The following UGT1A10 variants were observed in gnomAD, a reference collection of about 807,000 sequenced individuals.
UGT1A10 encodes UDP-glucuronosyltransferase 1A10.
Under a neutral mutation model 45.8 loss-of-function variants are expected in UGT1A10, and 49 were observed. The ratio of observed to expected loss-of-function variants is 1.07; its 90% CI spans 0.85 to 1.36. The LOEUF (loss-of-function observed/expected upper bound fraction) is 1.36, where lower values mean the gene tolerates loss of function less well. Ranked by LOEUF, UGT1A10 falls within the 40% of genes most tolerant of loss-of-function variation. UGT1A10 has a pLI of 0.00. For synonymous variants in UGT1A10, 284 were observed against 249.7 expected (o/e 1.14, Z -1.29); for missense variants, 745 against 668.6 (o/e 1.11, Z -1.26).
At position 233,765,423 on chromosome 2, in the gene UGT1A10, G is replaced by A. The variant is rs181881481; in HGVS notation, c.856-1611G>A. Among the ~76,000 whole-genome samples, 139 of 152,286 alleles carry A rather than the reference G, an allele frequency of 9.1e-4. 2 individuals carry two copies. Among genetic ancestry groups the A allele is most frequent in the Non-Finnish European group, 1.8e-3 (124 of 68,036 alleles). On this transcript the variant is annotated intron_variant, in intron 1 of 4. Coordinates refer to ENST00000344644, the MANE Select transcript of UGT1A10 (RefSeq NM_019075.4). ...CATATACACCATGGAATACTATGCA[G>A]CCATAACAAGGAATGAGATCATATT...
At chr2:233,644,783 T>C (rs2073555747) in intron 1 of UGT1A10, among the ~76,000 whole-genome samples, 1 of 152,114 alleles carries the variant, frequency 6.6e-6, no homozygotes, top group Non-Finnish European at 1.5e-5. Flanking sequence ...TTTTTTTTTC[T>C]ATTTCTTCAG....
In UGT1A10 at chr2:233,646,191, A is replaced by G. The variant is rs569666722; in HGVS notation, c.855+8814A>G. 1.8e-3 allele frequency among the ~76,000 whole-genome samples: 276 copies of G among 152,308 alleles called. No individual in the cohort carries two copies. In the South Asian group the frequency reaches 0.019, roughly 10 times the overall value. Reference sequence around the variant, plus strand: ...ACAGCTGGAGCAGTTGGGATGCAAGACACCAAGTCCCTAGGCTGCACACAG... The same window carrying G: ...ACAGCTGGAGCAGTTGGGATGCAAGGCACCAAGTCCCTAGGCTGCACACAG... On this transcript the variant is annotated intron_variant, in intron 1 of 4. Coordinates refer to ENST00000344644, the MANE Select transcript of UGT1A10 (RefSeq NM_019075.4).
intron 1 of UGT1A10, among the ~76,000 whole-genome samples, chr2:233,737,492 C>T (rs1256761021): frequency 6.6e-6 from 1 of 152,202 alleles, no homozygotes; most frequent in Non-Finnish European, 1.5e-5. Flanking sequence ...AAAGGGAAAT[C>T]CCTCACCCTC....
chr2:233,672,278 A>T (rs1189815184), intron 1 of UGT1A10: 2 of 1,613,626 alleles, frequency 1.2e-6, no homozygotes, highest in Admixed American at 3.3e-5. Context: ...TCATACAATG[A>T]CATTTTTGAC....
chr2:233,654,648 A>G (rs2073815466), intron 1 of UGT1A10, among the ~76,000 whole-genome samples: 1 of 152,266 alleles, frequency 6.6e-6, no homozygotes, highest in African/African-American at 2.4e-5. Flanking sequence ...GCTTGGCGAC[A>G]TAGCAACACC....
intron 1 of UGT1A10, among the ~76,000 whole-genome samples, chr2:233,703,171 CAG>C (rs2075726050): frequency 1.3e-5 from 2 of 152,058 alleles, no homozygotes; most frequent in African/African-American, 2.4e-5. Flanking sequence ...GATTCAATTT[CAG>C]TAGTTTGTTT....
intron 1 of UGT1A10, chr2:233,690,370 A>G (rs2125544798): frequency 1.1e-6 from 1 of 873,070 alleles, no homozygotes; most frequent in East Asian, 6.2e-5. Flanking sequence ...AAACCTCTCC[A>G]TAGGGTCCAC....
intron 1 of UGT1A10, chr2:233,713,817 A>G (rs776318563): frequency 1.2e-6 from 2 of 1,614,092 alleles, no homozygotes; most frequent in South Asian, 1.1e-5. Flanking sequence ...CATGGTCTTC[A>G]TTGGGGGCAT....
At chr2:233,677,255 T>A (rs2074385257) in intron 1 of UGT1A10, among the ~76,000 whole-genome samples, 1 of 152,208 alleles carries the variant, frequency 6.6e-6, no homozygotes, top group African/African-American at 2.4e-5. Flanking sequence ...GTCAGATATA[T>A]CCCTAAGTAT....
At chr2:233,693,769 A>C (rs1451230147) in intron 1 of UGT1A10, 3 of 1,614,160 alleles carry the variant, frequency 1.9e-6, no homozygotes, top group Non-Finnish European at 1.7e-6. Context: ...TTTGGCTGTT[A>C]AGATATGACT....
intron 1 of UGT1A10, among the ~76,000 whole-genome samples, chr2:233,647,414 C>G (rs918153982): frequency 6.6e-6 from 1 of 152,154 alleles, no homozygotes; most frequent in African/African-American, 2.4e-5. Context: ...TGAATTAGGG[C>G]ATTTCACATC....
In UGT1A10 at chr2:233,743,994, T is replaced by C. The variant is rs60469444; in HGVS notation, c.856-23040T>C. 7.2e-6 allele frequency: 9 copies of C among 1,253,056 alleles called. No individual in the cohort carries two copies. The East Asian group carries it at 2.0e-4, about 28-fold the overall frequency. 77.6% of individuals were successfully genotyped at this position (1,253,056 alleles called of 1,614,324 possible). On this transcript the variant is annotated intron_variant, in intron 1 of 4. Coordinates refer to ENST00000344644, the MANE Select transcript of UGT1A10 (RefSeq NM_019075.4). The stretch of plus-strand genomic sequence containing the variant: ...GCCAGCACCCAGGCGCAGGCCCGAG[T>C]GCTCGGAGACCTGGGCCGCCTGGAG...
In UGT1A10 at chr2:233,757,560, A is replaced by ATATG. The variant is rs904896556; in HGVS notation, c.856-9473_856-9472insATGT. On this transcript the variant is annotated intron_variant, in intron 1 of 4. Transcript: ENST00000344644. The stretch of plus-strand genomic sequence containing the variant: ...AATATATATATATATATATATATAT[A>ATATG]TGTATATATGATATAGCTATAGTCT... 2.4e-4 allele frequency among the ~76,000 whole-genome samples: 29 copies of ATATG among 123,152 alleles called. 1 individual carries two copies. The highest frequency in any genetic ancestry group is 9.5e-4 in the African/African-American group (28 of 29,358). 80.8% of individuals were successfully genotyped at this position (123,152 alleles called of 152,430 possible). A position where few individuals can be genotyped will look rare whatever the true frequency, so the allele number is the denominator to read the frequency against.
rs200734586 is a variant in UGT1A10 at position 233,760,641 on chromosome 2, G to T, written c.856-6393G>T. ...TCAAAACATACAAGAAAATAAAAAA[G>T]GACTCTGCTATGCTTTTGTCTGGCT... On this transcript the variant is annotated intron_variant, in intron 1 of 4. Transcript: ENST00000344644. The T allele has an allele frequency of 1.5e-4, 243 of 1,614,044 alleles. No individual in the cohort carries two copies. The highest frequency in any genetic ancestry group is 2.0e-4 in the Non-Finnish European group (236 of 1,180,030).
At chr2:233,729,011 T>C (rs1409694285) in intron 1 of UGT1A10, 2 of 1,584,574 alleles carry the variant, frequency 1.3e-6, no homozygotes, top group African/African-American at 1.3e-5. Context: ...CACTCTGTCT[T>C]CCAATTACAC....
rs916985968 is a variant in UGT1A10, at chr2:233,653,261, G to A, written c.855+15884G>A. On this transcript the variant is annotated intron_variant, in intron 1 of 4. Coordinates refer to ENST00000344644, the MANE Select transcript of UGT1A10 (RefSeq NM_019075.4). ...TTATTTGAAAAACATATAAAAACAC[G>A]ACAGACCACTTCATAGGCCACTTTA... is the stretch of plus-strand genomic sequence containing the variant. 2.0e-5 allele frequency among the ~76,000 whole-genome samples: 3 copies of A among 152,174 alleles called. No individual in the cohort carries two copies. The East Asian group carries it at 5.8e-4, about 29-fold the overall frequency.
chr2:233,719,129 A>C lies in UGT1A10; in HGVS notation c.856-47905A>C, dbSNP rs1422705774. 6 of 1,614,158 alleles carry C rather than the reference A, an allele frequency of 3.7e-6. No individual in the cohort carries two copies. In the African/African-American group the frequency reaches 6.7e-5, roughly 18 times the overall value. ...GCTACACTCAAGGGTTCTTTGAAACAGAACATCTTCTGAAGAGATATTCTA... is the reference window on the plus strand; with the variant it reads ...GCTACACTCAAGGGTTCTTTGAAACCGAACATCTTCTGAAGAGATATTCTA... On this transcript the variant is annotated intron_variant, in intron 1 of 4. Transcript: ENST00000344644.
chr2:233,728,931 T>C (rs569892277), intron 1 of UGT1A10, among the ~76,000 whole-genome samples: 4,920 of 152,288 alleles, frequency 0.032, 257 homozygotes, highest in African/African-American at 0.11. Flanking sequence ...TCATGATCGG[T>C]CTTTTCCAGG....
chr2:233,750,940 C>A (rs1694595221), intron 1 of UGT1A10, among the ~76,000 whole-genome samples: 1 of 151,854 alleles, frequency 6.6e-6, no homozygotes, highest in Non-Finnish European at 1.5e-5. Flanking sequence ...TTGGAGCCCC[C>A]ACACAGAGTC....
Sources: allele counts gnomAD v4.1 joint callset (sites outside exome capture counted in the v4.1 genomes callset), GRCh38; gene constraint gnomAD v4.1.1; transcripts MANE v1.5; gene names NCBI Gene and HGNC (gene_info 2026-07-23, HGNC 2026-07-21).